The following SLC36A4 variants were observed in gnomAD, a reference collection of about 807,000 sequenced individuals.
SLC36A4 encodes solute carrier family 36 member 4.
In SLC36A4, 49 loss-of-function variants were observed where a neutral mutation model predicts 50.5. That is an observed-to-expected ratio of 0.97 (90% CI 0.77 to 1.23). The LOEUF (loss-of-function observed/expected upper bound fraction) is 1.23, where lower values mean the gene tolerates loss of function less well. Ranked by LOEUF, SLC36A4 falls within the 50% of genes most tolerant of loss-of-function variation. The pLI is 0.00. For missense variants in SLC36A4, 611 were observed against 608.4 expected, an observed-to-expected ratio of 1.00 and a Z score of -0.05; for synonymous variants, 207 against 206.5, an observed-to-expected ratio of 1.00 and a Z score of -0.02.
intron 9 of SLC36A4, chr11:93,160,664 G>C: frequency 2.0e-6 from 2 of 985,310 alleles, no homozygotes; most frequent in Non-Finnish European, 2.4e-6. Flanking sequence ...CTTTCAATGT[G>C]AATGTGTGCA....
Position 93,148,353 on chromosome 11 carries a change from G to A in SLC36A4, c.*184C>T, listed in dbSNP as rs1191640977. On this transcript the variant is annotated 3_prime_UTR_variant, in exon 11 of 11. Coordinates refer to ENST00000326402, the MANE Select transcript of SLC36A4 (RefSeq NM_152313.4). ...TTTGAACTATTGCTAACACTTAAAA[G>A]CAAGGATTTTTCATAGGTTTACCAC... The A allele has an allele frequency of 2.0e-6, 1 of 503,248 alleles. No homozygotes were observed. Among genetic ancestry groups the A allele is most frequent in the Non-Finnish European group, 3.4e-6 (1 of 293,784 alleles). The allele number at this position is 503,248 out of a possible 1,614,324, so 31.2% of individuals were successfully genotyped here.
intron 7 of SLC36A4, 172 bp from the exon 8 acceptor site, chr11:93,166,188 T>G: frequency 7.6e-7 from 1 of 1,321,888 alleles, no homozygotes; most frequent in Non-Finnish European, 9.7e-7. Flanking sequence ...GTAGCCAAGC[T>G]GTTAGGATTT....
intron 1 of SLC36A4, among the ~76,000 whole-genome samples, chr11:93,191,327 G>T (rs1005321200): frequency 6.6e-6 from 1 of 152,208 alleles, no homozygotes; most frequent in Non-Finnish European, 1.5e-5. Context: ...GCTGAGTGGG[G>T]CATTCCAGGC....
chr11:93,163,934 T>C (rs1254868703), intron 8 of SLC36A4, among the ~76,000 whole-genome samples: 2 of 152,210 alleles, frequency 1.3e-5, no homozygotes, highest in African/African-American at 4.8e-5. Context: ...TCTGTGGTCC[T>C]TTGACTTGCC....
intron 1 of SLC36A4, chr11:93,197,192 T>A (rs1302972357): frequency 3.9e-5 from 6 of 153,118 alleles, no homozygotes; most frequent in Admixed American, 3.9e-4. Context: ...TGATCCTTAC[T>A]TTTTTATTTT....
At chr11:93,163,708 T>C (rs10830996) in intron 8 of SLC36A4, among the ~76,000 whole-genome samples, 96,382 of 151,938 alleles carry the variant, frequency 0.63, 31,225 homozygotes, top group East Asian at 0.81. Flanking sequence ...TAAATCCAGC[T>C]CCTTCTCTGG....
At chr11:93,179,093 A>G (rs943503648) in intron 6 of SLC36A4, among the ~76,000 whole-genome samples, 1 of 152,216 alleles carries the variant, frequency 6.6e-6, no homozygotes, top group South Asian at 2.1e-4. Flanking sequence ...GGAAAGTGGC[A>G]GAGACCATCA....
In SLC36A4 at chr11:93,197,975, C is replaced by T. The variant is rs977339562; in HGVS notation, c.-143G>A. ...TCCCTGCCCCGGCGCTCCCCAACCG[C>T]GCGGCGAGGAGCATGCGCAGTGGGA... On this transcript the variant is annotated 5_prime_UTR_variant, in exon 1 of 11. Transcript: ENST00000326402. The T allele has an allele frequency of 1.6e-5, 14 of 859,326 alleles. No homozygotes were observed. The highest frequency in any genetic ancestry group is 2.3e-5 in the Non-Finnish European group (14 of 614,072). 53.2% of individuals were successfully genotyped at this position (859,326 alleles called of 1,614,324 possible). A position where few individuals can be genotyped will look rare whatever the true frequency, so the allele number is the denominator to read the frequency against.
At chr11:93,153,152 G>T (rs1185193116) in intron 10 of SLC36A4, among the ~76,000 whole-genome samples, 2 of 151,994 alleles carry the variant, frequency 1.3e-5, no homozygotes, top group African/African-American at 4.8e-5. Context: ...TTATTGAGTT[G>T]CCCCGAATTT....
intron 4 of SLC36A4, chr11:93,182,485 A>G (rs1390582191): frequency 1.3e-5 from 2 of 153,824 alleles, no homozygotes; most frequent in Non-Finnish European, 2.9e-5. Flanking sequence ...TCAAAACAGA[A>G]TTACTAACAC....
Position 93,174,791 on chromosome 11 carries a change from T to A in SLC36A4, c.540+6006A>T, listed in dbSNP as rs375523884. 7.3e-3 allele frequency among the ~76,000 whole-genome samples: 1,056 copies of A among 144,636 alleles called. 24 individuals carry two copies. The highest frequency in any genetic ancestry group is 0.026 in the African/African-American group (995 of 38,938). The allele number at this position is 144,636 out of a possible 152,430, so 94.9% of individuals were successfully genotyped here. A position where few individuals can be genotyped will look rare whatever the true frequency, so the allele number is the denominator to read the frequency against. ...ATTGAACCAGCCTTGCATCCCAGGG[T>A]TGAAGCCCACTTGATCATGGTCGAT... On this transcript the variant is annotated intron_variant, in intron 6 of 10. Transcript: ENST00000326402.
At chr11:93,174,679 G>T (rs1334537873) in intron 6 of SLC36A4, among the ~76,000 whole-genome samples, 1 of 135,930 alleles carries the variant, frequency 7.4e-6, no homozygotes, top group Non-Finnish European at 1.6e-5. Context: ...TTTTGTCAAA[G>T]GCTTTTTCTG....
intron 1 of SLC36A4, among the ~76,000 whole-genome samples, chr11:93,195,520 G>A (rs572372753): frequency 7.6e-4 from 116 of 152,242 alleles, no homozygotes; most frequent in African/African-American, 2.6e-3. Flanking sequence ...ATATTCTTCT[G>A]CTTTTACTTT....
At chr11:93,165,428 G>A (rs750362837) in intron 8 of SLC36A4, among the ~76,000 whole-genome samples, 2 of 152,084 alleles carry the variant, frequency 1.3e-5, no homozygotes, top group African/African-American at 2.4e-5. Flanking sequence ...TAAAACTATA[G>A]GGAGAATTTA....
chr11:93,185,966 G>C, intron 1 of SLC36A4, 152 bp from the exon 2 acceptor site: 1 of 585,296 alleles, frequency 1.7e-6, no homozygotes, highest in South Asian at 4.0e-5. Flanking sequence ...CTGAGTTTTA[G>C]TACATTTAAA....
At chr11:93,150,752 T>C (rs1256791916) in intron 10 of SLC36A4, among the ~76,000 whole-genome samples, 2 of 152,034 alleles carry the variant, frequency 1.3e-5, no homozygotes, top group Admixed American at 6.6e-5. Flanking sequence ...CTCTCAAACA[T>C]AGTTAGGACC....
chr11:93,181,646 A>C, intron 5 of SLC36A4, 45 bp downstream of exon 5: 1 of 1,365,974 alleles, frequency 7.3e-7, no homozygotes, highest in Non-Finnish European at 9.6e-7. Flanking sequence ...CTTAAAATTA[A>C]CATAATTTTA....
intron 9 of SLC36A4, chr11:93,160,900 G>T: frequency 2.7e-6 from 1 of 365,770 alleles, no homozygotes; most frequent in Non-Finnish European, 3.8e-6. Context: ...GAGTGCAGTG[G>T]TACCATCACA....
intron 9 of SLC36A4, 125 bp downstream of exon 9, chr11:93,162,581 T>G (rs1307076528): frequency 2.4e-6 from 2 of 828,744 alleles, no homozygotes; most frequent in Admixed American, 6.5e-5. Context: ...AGTGATGGGA[T>G]TCCAGGAAAT....
Sources: allele counts gnomAD v4.1 joint callset (sites outside exome capture counted in the v4.1 genomes callset), GRCh38; gene constraint gnomAD v4.1.1; transcripts MANE v1.5; gene names NCBI Gene and HGNC (gene_info 2026-07-23, HGNC 2026-07-21).